CLSTN2: variants seen among roughly 807,000 people sequenced by gnomAD.
The protein encoded by CLSTN2 is calsyntenin 2, also known as calsyntenin-2.
A neutral mutation model predicts 101.2 loss-of-function variants in CLSTN2; 48 were observed. The ratio of observed to expected loss-of-function variants is 0.47; its 90% CI spans 0.38 to 0.60. The LOEUF is 0.60. Among genes scored for constraint, CLSTN2 ranks in the 20% least tolerant of loss-of-function variants. The pLI is 0.00. For synonymous variants in CLSTN2, 481 were observed against 463.6 expected (o/e 1.04, Z -0.48); for missense variants, 1,160 against 1,238.2 (o/e 0.94, Z 0.95).
chr3:140,323,664 A>G lies in CLSTN2; in HGVS notation c.233-79965A>G, dbSNP rs1232023001. On this transcript the variant is annotated intron_variant, in intron 2 of 16. Coordinates refer to ENST00000458420, the MANE Select transcript of CLSTN2 (RefSeq NM_022131.3). ...TTCTACTAAAGATAAAGTATGTAAT[A>G]TATTTTATAAATGGTAGTCATTATT... 2.0e-5 allele frequency among the ~76,000 whole-genome samples: 3 copies of G among 152,242 alleles called. No individual in the cohort carries two copies. In the South Asian group the frequency reaches 6.2e-4, roughly 31 times the overall value.
intron 1 of CLSTN2, among the ~76,000 whole-genome samples, chr3:140,072,196 T>TG (rs2008409402): frequency 5.0e-5 from 1 of 20,174 alleles, no homozygotes; most frequent in Non-Finnish European, 1.5e-4. Context: ...TTTATATTTC[T>TG]TAAAAAAAAC....
At chr3:140,002,934 A>T (rs1242946760) in intron 1 of CLSTN2, among the ~76,000 whole-genome samples, 1 of 152,098 alleles carries the variant, frequency 6.6e-6, no homozygotes, top group Non-Finnish European at 1.5e-5. Flanking sequence ...GTCTGTTTTT[A>T]TGCCAGTACC....
intron 1 of CLSTN2, among the ~76,000 whole-genome samples, chr3:140,003,709 C>T (rs764757368): frequency 1.3e-5 from 2 of 152,000 alleles, no homozygotes; most frequent in Non-Finnish European, 2.9e-5. Context: ...TTCCTCTATA[C>T]CAAGTTTTTT....
intron 1 of CLSTN2, among the ~76,000 whole-genome samples, chr3:140,076,298 C>T (rs73226933): frequency 0.027 from 4,048 of 152,294 alleles, 76 homozygotes; most frequent in Middle Eastern, 0.082. Context: ...TTGCTTTATC[C>T]ATTCATCTGT....
At chr3:140,161,505 G>T (rs2010046612) in intron 1 of CLSTN2, among the ~76,000 whole-genome samples, 1 of 152,130 alleles carries the variant, frequency 6.6e-6, no homozygotes, top group South Asian at 2.1e-4. Context: ...TACCTACACA[G>T]TATCACAAAA....
At chr3:139,942,999 A>C (rs779821876) in intron 1 of CLSTN2, among the ~76,000 whole-genome samples, 4 of 151,908 alleles carry the variant, frequency 2.6e-5, no homozygotes, top group African/African-American at 7.3e-5. Flanking sequence ...TTTTTTCCCT[A>C]GCTCACTTTG....
chr3:140,489,037 A>G (rs1308548140), intron 8 of CLSTN2, among the ~76,000 whole-genome samples: 2 of 152,200 alleles, frequency 1.3e-5, no homozygotes, highest in Non-Finnish European at 2.9e-5. Flanking sequence ...GAAAAACATA[A>G]ATTAGTTTTT....
intron 2 of CLSTN2, among the ~76,000 whole-genome samples, chr3:140,324,047 C>T (rs1045273543): frequency 6.6e-6 from 1 of 152,226 alleles, no homozygotes; most frequent in Non-Finnish European, 1.5e-5. Flanking sequence ...CTAGATAAAA[C>T]CATCTGTCAC....
intron 2 of CLSTN2, among the ~76,000 whole-genome samples, chr3:140,277,819 A>G (rs1287693231): frequency 6.6e-6 from 1 of 152,226 alleles, no homozygotes; most frequent in East Asian, 1.9e-4. Context: ...ACTACAATTA[A>G]TAGAAATGGA....
chr3:140,422,205 CT>C, intron 5 of CLSTN2, among the ~76,000 whole-genome samples: 1 of 151,992 alleles, frequency 6.6e-6, no homozygotes, highest in African/African-American at 2.4e-5. Flanking sequence ...CTCTCTCTCT[CT>C]CTCTCTCTCT....
At chr3:140,455,992 G>A (rs1933389089) in intron 6 of CLSTN2, among the ~76,000 whole-genome samples, 1 of 152,168 alleles carries the variant, frequency 6.6e-6, no homozygotes, top group South Asian at 2.1e-4. Context: ...TGTCCTCAGT[G>A]TGCCCCTCTG....
At chr3:140,400,238 C>A (rs13095998) in intron 2 of CLSTN2, among the ~76,000 whole-genome samples, 11,107 of 152,216 alleles carry the variant, frequency 0.073, 492 homozygotes, top group Middle Eastern at 0.11. Context: ...CTCTGAGTCC[C>A]ACTGAAATCC....
At chr3:140,477,455 G>A (rs528477747) in intron 8 of CLSTN2, among the ~76,000 whole-genome samples, 1 of 152,216 alleles carries the variant, frequency 6.6e-6, no homozygotes, top group Non-Finnish European at 1.5e-5. Flanking sequence ...TGCAAGAATA[G>A]GAAACGTTAA....
chr3:140,071,741 G>C (rs1036167836), intron 1 of CLSTN2, among the ~76,000 whole-genome samples: 1 of 152,144 alleles, frequency 6.6e-6, no homozygotes, highest in Non-Finnish European at 1.5e-5. Flanking sequence ...TGAGGCAGGA[G>C]AATGGCATGA....
At chr3:140,058,311 G>T (rs75856674) in intron 1 of CLSTN2, among the ~76,000 whole-genome samples, 8,858 of 152,122 alleles carry the variant, frequency 0.058, 821 homozygotes, top group African/African-American at 0.19. Flanking sequence ...GCCCTCATCT[G>T]GCCTAGTAAT....
chr3:139,935,277 G>T lies in CLSTN2; in HGVS notation c.-98G>T. 1 of 568,232 alleles carries T rather than the reference G, an allele frequency of 1.8e-6. No homozygotes were observed. The highest frequency in any genetic ancestry group is 3.8e-5 in the East Asian group (1 of 26,194). 35.2% of individuals were successfully genotyped at this position (568,232 alleles called of 1,614,324 possible). A position where few individuals can be genotyped will look rare whatever the true frequency, so the allele number is the denominator to read the frequency against. On this transcript the variant is annotated 5_prime_UTR_variant, in exon 1 of 17. Transcript: ENST00000458420. This position sits in a 1 kb window ranked among gnomAD's most constrained non-coding sequence, Gnocchi z 5.5. ...GGCAGCGCTAGAAGCGCACCCATCGGGCACGGCGAGGCGGCCCACGGTGCG... is the reference window on the plus strand; with the variant it reads ...GGCAGCGCTAGAAGCGCACCCATCGTGCACGGCGAGGCGGCCCACGGTGCG...
intron 8 of CLSTN2, among the ~76,000 whole-genome samples, chr3:140,485,028 G>A (rs1023751134): frequency 1.3e-5 from 2 of 152,194 alleles, no homozygotes; most frequent in African/African-American, 4.8e-5. Context: ...TGGAGGAGGA[G>A]AGGCACTCTG....
intron 1 of CLSTN2, among the ~76,000 whole-genome samples, chr3:140,013,121 T>C (rs1044973449): frequency 6.6e-6 from 1 of 152,142 alleles, no homozygotes. Flanking sequence ...GAGAGCATCA[T>C]CCACCAAGGA....
At chr3:140,048,033 T>TA (rs2007915597) in intron 1 of CLSTN2, among the ~76,000 whole-genome samples, 1 of 152,258 alleles carries the variant, frequency 6.6e-6, no homozygotes, top group South Asian at 2.1e-4. Context: ...TATGAAATAT[T>TA]AAAAAATGAC....
Sources: allele counts gnomAD v4.1 joint callset (sites outside exome capture counted in the v4.1 genomes callset), GRCh38; gene constraint gnomAD v4.1.1; non-coding constraint Gnocchi (gnomAD v3.1); transcripts MANE v1.5; gene names NCBI Gene and HGNC (gene_info 2026-07-23, HGNC 2026-07-21).